BCKDHB: variants seen among roughly 807,000 people sequenced by gnomAD.
The protein encoded by BCKDHB is 2-oxoisovalerate dehydrogenase subunit beta, mitochondrial.
In BCKDHB, 41 loss-of-function variants were observed where a neutral mutation model predicts 48.5. That is an observed-to-expected ratio of 0.85 (90% CI 0.66 to 1.10). BCKDHB has a LOEUF of 1.10. Among genes scored for constraint, BCKDHB ranks in the 50% least tolerant of loss-of-function variants. The probability of loss-of-function intolerance (pLI) is 0.00; values close to 1 mark genes in which losing one functional copy is unlikely to be tolerated. For synonymous variants in BCKDHB, 201 were observed against 174.8 expected (o/e 1.15, Z -1.18); for missense variants, 496 against 494.2 (o/e 1.00, Z -0.03).
the BCKDHB span, among the ~76,000 whole-genome samples, chr6:80,409,455 ATCTG>A: frequency 6.6e-6 from 1 of 150,700 alleles, no homozygotes; most frequent in Non-Finnish European, 1.5e-5. Flanking sequence ...TGTCTCATTG[ATCTG>A]TCTAATATTG....
intron 6 of BCKDHB, among the ~76,000 whole-genome samples, chr6:80,188,444 T>G (rs904911530): frequency 6.6e-6 from 1 of 152,098 alleles, no homozygotes; most frequent in African/African-American, 2.4e-5. Context: ...GAGACCAGCC[T>G]GGGCAACATG....
chr6:80,410,841 G>T, the BCKDHB span, among the ~76,000 whole-genome samples: 1 of 152,062 alleles, frequency 6.6e-6, no homozygotes, highest in Non-Finnish European at 1.5e-5. Context: ...TTAGCCATTC[G>T]TCTAACCTTT....
chr6:80,212,130 T>C (rs1311192216), intron 8 of BCKDHB, among the ~76,000 whole-genome samples: 1 of 152,136 alleles, frequency 6.6e-6, no homozygotes, highest in Non-Finnish European at 1.5e-5. Flanking sequence ...GCACCTGTTG[T>C]CTTGATAAGC....
the BCKDHB span, among the ~76,000 whole-genome samples, chr6:80,436,012 G>A: frequency 1.8e-3 from 268 of 152,086 alleles, 7 homozygotes; most frequent in East Asian, 0.049. Context: ...CAGGCCCAGC[G>A]CTTGATGTTA....
intron 9 of BCKDHB, among the ~76,000 whole-genome samples, chr6:80,308,562 A>C (rs1328292748): frequency 1.3e-5 from 2 of 151,646 alleles, no homozygotes. Flanking sequence ...GGGAAAAAAA[A>C]CCCAACACAG....
intron 9 of BCKDHB, among the ~76,000 whole-genome samples, chr6:80,301,099 A>G (rs1275527753): frequency 6.6e-6 from 1 of 150,512 alleles, no homozygotes; most frequent in Non-Finnish European, 1.5e-5. Flanking sequence ...AAGGTTTCGA[A>G]TTAACAATCT....
chr6:80,135,757 C>A (rs1057105119), intron 3 of BCKDHB: 3 of 152,100 alleles, frequency 2.0e-5, no homozygotes, highest in Non-Finnish European at 4.4e-5. Flanking sequence ...GCAATTATTA[C>A]CACCATCCAT....
the BCKDHB span, among the ~76,000 whole-genome samples, chr6:80,386,005 C>CT: frequency 6.6e-6 from 1 of 152,118 alleles, no homozygotes. Flanking sequence ...AGATGGCCCA[C>CT]TGTGAGTGAG....
chr6:80,309,669 T>C (rs1768055881), intron 9 of BCKDHB, among the ~76,000 whole-genome samples: 2 of 152,218 alleles, frequency 1.3e-5, no homozygotes, highest in African/African-American at 4.8e-5. Context: ...GAAATGTTTC[T>C]CTTCCATACT....
Position 80,129,188 on chromosome 6 carries a change from G to C in BCKDHB, c.302G>C (p.Gly101Ala). 2 of 1,610,742 alleles carry C rather than the reference G, an allele frequency of 1.2e-6. No individual in the cohort carries two copies. Among genetic ancestry groups the C allele is most frequent in the Non-Finnish European group, 1.7e-6 (2 of 1,177,914 alleles). ...AVIFGEDVAF[G>A]GVFRCTVGLR... ...ATATTTGGTGAAGATGTTGCCTTTG[G>C]TGGAGTCTTTAGATGCACTGTTGGC... Residue 101 changes from glycine (G) to alanine (A), a missense_variant, in exon 3 of 10, where the codon GGT becomes GCT. Coordinates refer to ENST00000320393, the MANE Select transcript of BCKDHB (RefSeq NM_183050.4).
At position 80,107,476 on chromosome 6, in the gene BCKDHB, G is replaced by GAT. The variant is rs201232399; in HGVS notation, c.196+595_196+596dup. On this transcript the variant is annotated intron_variant, in intron 1 of 9. Transcript: ENST00000320393. Reference sequence around the variant, plus strand: ...ATCCACACACATATATATATGTGTGGATATATATACGCGCATATATATGCA... The same window carrying GAT: ...ATCCACACACATATATATATGTGTGGATATATATATACGCGCATATATATGCA... Among the ~76,000 whole-genome samples the GAT allele has an allele frequency of 8.9e-3, 1,072 of 120,126 alleles. 21 individuals are homozygous for GAT. The highest frequency in any genetic ancestry group is 0.041 in the African/African-American group (1,017 of 24,592). The allele number at this position is 120,126 out of a possible 152,430, so 78.8% of individuals were successfully genotyped here. A position where few individuals can be genotyped will look rare whatever the true frequency, so the allele number is the denominator to read the frequency against.
intron 3 of BCKDHB, among the ~76,000 whole-genome samples, chr6:80,134,282 C>A (rs1042443605): frequency 2.0e-5 from 3 of 152,138 alleles, no homozygotes; most frequent in Non-Finnish European, 4.4e-5. Context: ...TTACTGTATC[C>A]ATTCCTTTAC....
chr6:80,388,674 AC>A, the BCKDHB span, among the ~76,000 whole-genome samples: 1 of 152,106 alleles, frequency 6.6e-6, no homozygotes, highest in Non-Finnish European at 1.5e-5. Flanking sequence ...TTCTCCTGCC[AC>A]CCTGCCTTCT....
At chr6:80,423,521 G>C in the BCKDHB span, among the ~76,000 whole-genome samples, 1 of 152,110 alleles carries the variant, frequency 6.6e-6, no homozygotes, top group African/African-American at 2.4e-5. Context: ...CACCCATTGT[G>C]TAACTTGGTG....
Position 80,108,934 on chromosome 6 carries a change from C to T in BCKDHB, c.196+2045C>T, listed in dbSNP as rs1769273410. Among the ~76,000 whole-genome samples, 3 of 152,166 alleles carry T rather than the reference C, an allele frequency of 2.0e-5. No individual in the cohort carries two copies. In the South Asian group the frequency reaches 6.2e-4, roughly 32 times the overall value. ...ATATTGCTAACATTTTGGGTGTATCCTTACAGGTATTTCCTTTTAGTTTCG... is the reference window on the plus strand; with the variant it reads ...ATATTGCTAACATTTTGGGTGTATCTTTACAGGTATTTCCTTTTAGTTTCG... On this transcript the variant is annotated intron_variant, in intron 1 of 9. Coordinates refer to ENST00000320393, the MANE Select transcript of BCKDHB (RefSeq NM_183050.4).
At chr6:80,279,270 C>T (rs1778099752) in intron 9 of BCKDHB, among the ~76,000 whole-genome samples, 1 of 152,090 alleles carries the variant, frequency 6.6e-6, no homozygotes, top group South Asian at 2.1e-4. Flanking sequence ...TCTCCTGCCT[C>T]AGCCTCCCAA....
chr6:80,312,662 G>A (rs1768229173), intron 9 of BCKDHB, among the ~76,000 whole-genome samples: 1 of 152,084 alleles, frequency 6.6e-6, no homozygotes, highest in Non-Finnish European at 1.5e-5. Context: ...TTTATTGAAG[G>A]CTTTTTCTGA....
chr6:80,138,011 G>C (rs1476997714), intron 3 of BCKDHB, among the ~76,000 whole-genome samples: 2 of 152,148 alleles, frequency 1.3e-5, no homozygotes, highest in East Asian at 3.9e-4. Flanking sequence ...GAGCCCAGGA[G>C]TTTGAGGCTG....
intron 3 of BCKDHB, among the ~76,000 whole-genome samples, chr6:80,134,842 C>A (rs1770805284): frequency 6.6e-6 from 1 of 151,898 alleles, no homozygotes; most frequent in Admixed American, 6.6e-5. Context: ...AACTTCCATT[C>A]CCCAGGTTCA....
Sources: gnomAD v4.1 joint callset for allele counts (sites outside exome capture counted in the v4.1 genomes callset) on GRCh38, gnomAD v4.1.1 for gene constraint, MANE v1.5 for transcripts, NCBI Gene and HGNC (gene_info 2026-07-23, HGNC 2026-07-21) for gene names.